UBP1: variants seen among roughly 807,000 people sequenced by gnomAD.
UBP1 encodes upstream binding protein 1.
Under a neutral mutation model 76.1 loss-of-function variants are expected in UBP1, and 22 were observed. The observed-to-expected ratio is 0.29, with a 90% CI of 0.21 to 0.41. The LOEUF is 0.41. Ranked by LOEUF, UBP1 falls within the 10% of genes least tolerant of loss-of-function variation. The pLI is 1.00. For missense variants in UBP1, 436 were observed against 668.1 expected, an observed-to-expected ratio of 0.65 and a Z score of 3.83; for synonymous variants, 224 against 237.1, an observed-to-expected ratio of 0.94 and a Z score of 0.51.
At chr3:33,438,718 CCTT>C (rs1402047635) in intron 1 of UBP1, among the ~76,000 whole-genome samples, 2 of 152,138 alleles carry the variant, frequency 1.3e-5, no homozygotes, top group Non-Finnish European at 2.9e-5. Context: ...CAGAATTTCT[CCTT>C]AAGATTTAAA....
intron 1 of UBP1, among the ~76,000 whole-genome samples, chr3:33,430,844 C>T (rs1433938355): frequency 2.0e-5 from 3 of 152,156 alleles, no homozygotes; most frequent in Admixed American, 2.0e-4. Flanking sequence ...CCAACCCTTC[C>T]AGCTCCTTTG....
At position 33,409,486 on chromosome 3, in the gene UBP1, T is replaced by C; in HGVS notation, c.671A>G (p.His224Arg). The C allele has an allele frequency of 6.2e-7, 1 of 1,614,190 alleles. No individual in the cohort carries two copies. The change falls in exon 6 of 16, where the codon CAT becomes CGT. Residue 224 changes from histidine to arginine, a missense_variant. This residue lies in a region of UBP1 where 65 missense variants were observed against 157.4 expected (regional missense o/e 0.41). Transcript: ENST00000283629. ...GATTTGGCAGCTAGCTGAGTGTAGATGATCTGTGTATTCTCCATTTTCATT... is the reference window on the plus strand; with the variant it reads ...GATTTGGCAGCTAGCTGAGTGTAGACGATCTGTGTATTCTCCATTTTCATT... The part of the protein sequence containing the change: ...KQNENGEYTD[H>R]LHSASCQIKV...
At position 33,421,307 on chromosome 3, in the gene UBP1, G is replaced by C. The variant is rs113993262; in HGVS notation, c.265+4283C>G. 4.1e-3 allele frequency among the ~76,000 whole-genome samples: 625 copies of C among 151,748 alleles called. 6 individuals carry two copies. Among genetic ancestry groups the C allele is most frequent in the African/African-American group, 0.014 (596 of 41,382 alleles). On this transcript the variant is annotated intron_variant, in intron 2 of 15. Coordinates refer to ENST00000283629, the MANE Select transcript of UBP1 (RefSeq NM_014517.5). ...GGTTGCTTTTTTTCTTGCAGGGGGC[G>C]GGGGCGGGGGACTGGAGTGCAGTGG...
intron 11 of UBP1, 152 bp downstream of exon 11, chr3:33,400,037 T>A (rs2044162250): frequency 6.8e-6 from 3 of 439,000 alleles, no homozygotes; most frequent in Middle Eastern, 5.0e-4. Flanking sequence ...ATATTCCTAT[T>A]GGGGGATAGA....
At chr3:33,431,239 G>C (rs1387719748) in intron 1 of UBP1, among the ~76,000 whole-genome samples, 3 of 152,086 alleles carry the variant, frequency 2.0e-5, no homozygotes, top group Non-Finnish European at 2.9e-5. Flanking sequence ...GTTAAGAAGG[G>C]ACCAAGTGAG....
chr3:33,440,398 C>T lies in UBP1; in HGVS notation c.-550G>A, dbSNP rs1438101829. ...CGCGACTCCGACTTAGGTTCACGCGCCGCTTCCGCCTCCCCCGGCCCCGCC... is the reference window on the plus strand; with the variant it reads ...CGCGACTCCGACTTAGGTTCACGCGTCGCTTCCGCCTCCCCCGGCCCCGCC... On this transcript the variant is annotated 5_prime_UTR_variant, in exon 1 of 16. Coordinates refer to ENST00000283629, the MANE Select transcript of UBP1 (RefSeq NM_014517.5). The T allele has an allele frequency of 1.3e-5, 2 of 152,976 alleles. No individual in the cohort carries two copies. The highest frequency in any genetic ancestry group is 2.9e-5 in the Non-Finnish European group (2 of 68,502). The allele number at this position is 152,976 out of a possible 1,614,324, so 9.5% of individuals were successfully genotyped here. A position where few individuals can be genotyped will look rare whatever the true frequency, so the allele number is the denominator to read the frequency against.
At chr3:33,398,805 T>C (rs1044951108) in intron 11 of UBP1, among the ~76,000 whole-genome samples, 13 of 152,218 alleles carry the variant, frequency 8.5e-5, no homozygotes, top group Admixed American at 8.5e-4. Context: ...CGGCGCTTTT[T>C]CTATGTGCTA....
At chr3:33,432,836 C>A (rs114958201) in intron 1 of UBP1, among the ~76,000 whole-genome samples, 1 of 152,060 alleles carries the variant, frequency 6.6e-6, no homozygotes, top group Non-Finnish European at 1.5e-5. Context: ...CAGTATTGCA[C>A]CAAGTCTAAT....
chr3:33,427,823 A>C (rs2045044601), intron 1 of UBP1, among the ~76,000 whole-genome samples: 3 of 152,230 alleles, frequency 2.0e-5, no homozygotes. Context: ...ACTCCCACAG[A>C]GTTCTCTCAA....
At chr3:33,400,132 G>A (rs1233982702) in intron 11 of UBP1, 57 bp downstream of exon 11, 5 of 1,173,642 alleles carry the variant, frequency 4.3e-6, no homozygotes, top group Non-Finnish European at 4.6e-6. Flanking sequence ...GTTAATAAAA[G>A]CACAGAAACA....
At chr3:33,390,943 A>G (rs1357040892) in intron 15 of UBP1, 1 of 152,364 alleles carries the variant, frequency 6.6e-6, no homozygotes, top group Non-Finnish European at 1.5e-5. Context: ...TTGAGATTAG[A>G]GGGGAGATCC....
chr3:33,435,610 G>C (rs1474286945), intron 1 of UBP1, among the ~76,000 whole-genome samples: 1 of 152,216 alleles, frequency 6.6e-6, no homozygotes, highest in African/African-American at 2.4e-5. Context: ...CTGTACTCCA[G>C]TGTAGGTGAC....
chr3:33,401,380 T>C (rs1034422840), intron 9 of UBP1, among the ~76,000 whole-genome samples: 1 of 152,086 alleles, frequency 6.6e-6, no homozygotes, highest in Admixed American at 6.6e-5. Flanking sequence ...ATTAGATAAA[T>C]AGTTGAAAAT....
Position 33,396,274 on chromosome 3 carries a change from A to G in UBP1, c.1278T>C (p.Val426=). 2 of 1,576,452 alleles carry G rather than the reference A, an allele frequency of 1.3e-6. No individual in the cohort carries two copies. The part of the protein sequence containing the change: ...RLYNSLKSRS[V]RPRLTIYVCR... Reference sequence around the variant, plus strand: ...AGACATAGATGGTTAAACGGGGTCTAACCGACCTGCAATCAGAAGATGCCA... The same window carrying G: ...AGACATAGATGGTTAAACGGGGTCTGACCGACCTGCAATCAGAAGATGCCA... Residue 426 remains valine, a synonymous_variant, in exon 13 of 16, where the codon GTT becomes GTC. Coordinates refer to ENST00000283629, the MANE Select transcript of UBP1 (RefSeq NM_014517.5).
intron 2 of UBP1, among the ~76,000 whole-genome samples, chr3:33,418,657 G>A (rs904082064): frequency 3.3e-5 from 5 of 151,614 alleles, no homozygotes; most frequent in African/African-American, 9.7e-5. Flanking sequence ...TTGGGAGTTC[G>A]AGACCAGCCT....
intron 9 of UBP1, 117 bp downstream of exon 9, chr3:33,402,684 C>T: frequency 1.5e-6 from 1 of 677,230 alleles, no homozygotes; most frequent in Non-Finnish European, 2.3e-6. Flanking sequence ...GATACTTCCC[C>T]TTACTGTTTC....
intron 1 of UBP1, among the ~76,000 whole-genome samples, chr3:33,426,000 T>C (rs180740192): frequency 2.0e-5 from 1 of 48,834 alleles, no homozygotes; most frequent in South Asian, 6.5e-4. Flanking sequence ...GCTCTGAATA[T>C]ATATATATAT....
At chr3:33,407,753 A>G (rs1350531212) in intron 8 of UBP1, among the ~76,000 whole-genome samples, 2 of 152,236 alleles carry the variant, frequency 1.3e-5, no homozygotes, top group African/African-American at 2.4e-5. Flanking sequence ...GATATGTGTA[A>G]GAATGAAAAA....
At position 33,400,260 on chromosome 3, in the gene UBP1, A is replaced by T. The variant is rs777499187; in HGVS notation, c.1109T>A (p.Ile370Asn). 1.4e-5 allele frequency: 22 copies of T among 1,602,058 alleles called. No individual in the cohort carries two copies. Among genetic ancestry groups the T allele is most frequent in the Non-Finnish European group, 1.4e-5 (17 of 1,176,704 alleles). ...GAGCAGCCATTGCTGTGTTTCCTGGATCGTAGCTGAAGGCTGAATTTGCTA... is the reference window on the plus strand; with the variant it reads ...GAGCAGCCATTGCTGTGTTTCCTGGTTCGTAGCTGAAGGCTGAATTTGCTA... ...SGEQIQPSAT[I>N]QETQQWLLKN... Residue 370 changes from isoleucine to asparagine, a missense_variant, in exon 11 of 16, where the codon ATC (isoleucine) becomes AAC (asparagine). Around this residue, in one of 3 missense-constraint regions of UBP1, gnomAD observed 210 missense variants for 272.8 expected, o/e 0.77. Transcript: ENST00000283629.
Sources: allele counts gnomAD v4.1 joint callset (sites outside exome capture counted in the v4.1 genomes callset), GRCh38; gene constraint gnomAD v4.1.1; regional missense constraint gnomAD v4.1.1; transcripts MANE v1.5; gene names NCBI Gene and HGNC (gene_info 2026-07-23, HGNC 2026-07-21).